ZCCHC7: variants seen among roughly 807,000 people sequenced by gnomAD.
The protein encoded by ZCCHC7 is zinc finger CCHC domain-containing protein 7.
Under a neutral mutation model 52.0 loss-of-function variants are expected in ZCCHC7, and 35 were observed. The ratio of observed to expected loss-of-function variants is 0.67; its 90% CI spans 0.51 to 0.89. ZCCHC7 has a LOEUF of 0.89. Ranked by LOEUF, ZCCHC7 falls within the 40% of genes least tolerant of loss-of-function variation. ZCCHC7 has a pLI of 0.00. For missense variants in ZCCHC7, 574 were observed against 649.1 expected, an observed-to-expected ratio of 0.88 and a Z score of 1.26; for synonymous variants, 217 against 221.5, an observed-to-expected ratio of 0.98 and a Z score of 0.18.
At chr9:37,167,824 G>C (rs993292343) in intron 2 of ZCCHC7, among the ~76,000 whole-genome samples, 6 of 152,156 alleles carry the variant, frequency 3.9e-5, no homozygotes, top group Admixed American at 1.3e-4. Context: ...CATGTAAATT[G>C]ATGAGATTTT....
rs551153805 is a variant in ZCCHC7, at chr9:37,198,866, T to G, written c.610+71924T>G. ...AGGAAGAGGCATCAAAGACTCGTGT[T>G]CAATACCTTTTTTGCATTGAATTAA... On this transcript the variant is annotated intron_variant, in intron 2 of 8. Transcript: ENST00000336755. Among the ~76,000 whole-genome samples the G allele has an allele frequency of 3.3e-5, 5 of 152,340 alleles. No individual in the cohort carries two copies. The East Asian group carries it at 9.6e-4, about 29-fold the overall frequency.
At chr9:37,173,213 C>T (rs1036282691) in intron 2 of ZCCHC7, among the ~76,000 whole-genome samples, 1 of 152,212 alleles carries the variant, frequency 6.6e-6, no homozygotes, top group African/African-American at 2.4e-5. Flanking sequence ...AGTAGTGTGA[C>T]AGATATTCTT....
At chr9:37,335,714 C>T (rs766748354) in intron 6 of ZCCHC7, among the ~76,000 whole-genome samples, 5 of 152,116 alleles carry the variant, frequency 3.3e-5, no homozygotes, top group Non-Finnish European at 7.4e-5. Context: ...ACAATGTTTC[C>T]TTCTTATATT....
chr9:37,148,582 G>A (rs1023310954), intron 2 of ZCCHC7, among the ~76,000 whole-genome samples: 17 of 152,170 alleles, frequency 1.1e-4, no homozygotes, highest in Admixed American at 2.6e-4. Flanking sequence ...AAAAGTGATC[G>A]TACCTGTTAT....
intron 6 of ZCCHC7, among the ~76,000 whole-genome samples, chr9:37,329,290 A>T (rs1240993904): frequency 2.0e-5 from 3 of 151,728 alleles, no homozygotes; most frequent in Non-Finnish European, 4.4e-5. Flanking sequence ...CCTATAGTTA[A>T]AGGGTAAAAA....
intron 2 of ZCCHC7, among the ~76,000 whole-genome samples, chr9:37,280,660 T>C (rs1025080360): frequency 6.6e-6 from 1 of 151,938 alleles, no homozygotes; most frequent in African/African-American, 2.4e-5. Context: ...TTAAATAATA[T>C]ACTACTAAAT....
chr9:37,328,217 CT>C (rs1363669090), intron 6 of ZCCHC7, among the ~76,000 whole-genome samples: 2 of 151,942 alleles, frequency 1.3e-5, no homozygotes, highest in Non-Finnish European at 2.9e-5. Flanking sequence ...TCTTCAGTTG[CT>C]TTTACTAAAA....
chr9:37,173,507 A>G (rs1204222762), intron 2 of ZCCHC7, among the ~76,000 whole-genome samples: 1 of 152,238 alleles, frequency 6.6e-6, no homozygotes. Flanking sequence ...CTCTGATGGT[A>G]TGTTTTGAAA....
intron 2 of ZCCHC7, among the ~76,000 whole-genome samples, chr9:37,192,778 A>G (rs1823084251): frequency 6.6e-6 from 1 of 152,136 alleles, no homozygotes; most frequent in Non-Finnish European, 1.5e-5. Flanking sequence ...GTCTACAATG[A>G]CTCATGTCTT....
chr9:37,286,518 T>C (rs887320808), intron 2 of ZCCHC7, among the ~76,000 whole-genome samples: 1 of 151,836 alleles, frequency 6.6e-6, no homozygotes, highest in African/African-American at 2.4e-5. Flanking sequence ...ATTAGCTAGG[T>C]GTGCTTGAAT....
chr9:37,184,640 T>C (rs1339980390), intron 2 of ZCCHC7, among the ~76,000 whole-genome samples: 1 of 152,194 alleles, frequency 6.6e-6, no homozygotes, highest in Non-Finnish European at 1.5e-5. Flanking sequence ...GTCTTTCAGC[T>C]GATAAAATGC....
In ZCCHC7 at chr9:37,354,285, A is replaced by G. The variant is rs1218973116; in HGVS notation, c.1084-425A>G. On this transcript the variant is annotated intron_variant, in intron 7 of 8. Coordinates refer to ENST00000336755, the MANE Select transcript of ZCCHC7 (RefSeq NM_032226.3). This position sits in a 1 kb window ranked among gnomAD's most constrained non-coding sequence, Gnocchi z 4.0. ...AAAGATCAAAGGGCTTAGAACTTAT[A>G]CCCACATTTTGGGGATAGGAAGAAG... Among the ~76,000 whole-genome samples, 7 of 152,184 alleles carry G rather than the reference A, an allele frequency of 4.6e-5. No homozygotes were observed. The highest frequency in any genetic ancestry group is 3.9e-4 in the Admixed American group (6 of 15,276).
chr9:37,290,667 A>T (rs572604929), intron 2 of ZCCHC7, among the ~76,000 whole-genome samples: 1 of 152,292 alleles, frequency 6.6e-6, no homozygotes, highest in Non-Finnish European at 1.5e-5. Context: ...CTCCAAAAAA[A>T]AGGAATTGAT....
chr9:37,144,819 C>A (rs1403871706), intron 2 of ZCCHC7: 1 of 151,886 alleles, frequency 6.6e-6, no homozygotes, highest in African/African-American at 2.4e-5. Context: ...CTAATTTGAC[C>A]TGTTACTGTA....
chr9:37,212,061 A>G (rs955930372), intron 2 of ZCCHC7, among the ~76,000 whole-genome samples: 6 of 143,236 alleles, frequency 4.2e-5, no homozygotes, highest in Admixed American at 1.4e-4. Flanking sequence ...AAAAAAAAAA[A>G]AAAAGAAAAT....
At chr9:37,130,492 ATT>A (rs752923921) in intron 2 of ZCCHC7, among the ~76,000 whole-genome samples, 5 of 129,932 alleles carry the variant, frequency 3.8e-5, no homozygotes, top group East Asian at 2.2e-4. Flanking sequence ...TGAAATCTCA[ATT>A]TTTTTTTTTT....
intron 2 of ZCCHC7, among the ~76,000 whole-genome samples, chr9:37,257,565 TAGA>T (rs1386736691): frequency 6.6e-6 from 1 of 152,188 alleles, no homozygotes; most frequent in African/African-American, 2.4e-5. Flanking sequence ...AGATTTTTCA[TAGA>T]AGTTTCACTT....
intron 2 of ZCCHC7, among the ~76,000 whole-genome samples, chr9:37,233,421 A>C (rs935279212): frequency 1.2e-4 from 19 of 152,310 alleles, no homozygotes; most frequent in African/African-American, 4.6e-4. Flanking sequence ...TATGCTTATA[A>C]AGATAGATTT....
intron 5 of ZCCHC7, among the ~76,000 whole-genome samples, chr9:37,326,746 T>C (rs555066947): frequency 2.0e-5 from 3 of 152,068 alleles, no homozygotes; most frequent in African/African-American, 7.2e-5. Flanking sequence ...GAAAAATAAA[T>C]GAAAGAGGAA....
Sources: allele counts gnomAD v4.1 joint callset (sites outside exome capture counted in the v4.1 genomes callset), GRCh38; gene constraint gnomAD v4.1.1; non-coding constraint Gnocchi (gnomAD v3.1); transcripts MANE v1.5; gene names NCBI Gene and HGNC (gene_info 2026-07-23, HGNC 2026-07-21).